The following GHR variants were observed in gnomAD, a reference collection of about 807,000 sequenced individuals.
GHR encodes the protein growth hormone receptor.
In GHR, 35 loss-of-function variants were observed where a neutral mutation model predicts 67.1. The observed-to-expected ratio is 0.52, with a 90% CI of 0.40 to 0.69. The LOEUF (loss-of-function observed/expected upper bound fraction) is 0.69. Ranked by LOEUF, GHR falls within the 30% of genes least tolerant of loss-of-function variation. GHR has a pLI of 0.00. For missense variants in GHR, 792 were observed against 764.6 expected (o/e 1.04, Z -0.42); for synonymous variants, 272 against 269.1 (o/e 1.01, Z -0.10).
chr5:42,670,380 T>C (rs1420380406), intron 3 of GHR, among the ~76,000 whole-genome samples: 1 of 152,084 alleles, frequency 6.6e-6, no homozygotes, highest in African/African-American at 2.4e-5. Context: ...TCAAAATAGA[T>C]TAAAGACTTA....
chr5:42,679,308 A>G (rs569605110), intron 3 of GHR, among the ~76,000 whole-genome samples: 1 of 151,122 alleles, frequency 6.6e-6, no homozygotes, highest in East Asian at 1.9e-4. Context: ...AAAAACTTTG[A>G]AAGCCACCAG....
chr5:42,575,695 G>C (rs1455227752), intron 2 of GHR, among the ~76,000 whole-genome samples: 2 of 151,612 alleles, frequency 1.3e-5, no homozygotes, highest in Non-Finnish European at 2.9e-5. Flanking sequence ...CACGGGTCCT[G>C]GGTGTGGGAG....
intron 1 of GHR, among the ~76,000 whole-genome samples, chr5:42,448,145 T>C (rs1340708123): frequency 1.3e-5 from 2 of 152,184 alleles, no homozygotes; most frequent in African/African-American, 4.8e-5. Context: ...GTATTTCTAC[T>C]TTTAGTTCTT....
intron 2 of GHR, among the ~76,000 whole-genome samples, chr5:42,608,251 C>A (rs1172956531): frequency 6.6e-6 from 1 of 152,154 alleles, no homozygotes; most frequent in Non-Finnish European, 1.5e-5. Context: ...TTGTTAACAT[C>A]TACACTAGAC....
At chr5:42,597,099 AG>A in intron 2 of GHR, among the ~76,000 whole-genome samples, 1 of 152,246 alleles carries the variant, frequency 6.6e-6, no homozygotes, top group South Asian at 2.1e-4. Flanking sequence ...GGTGGGTGGA[AG>A]GGGGGCTCTG....
chr5:42,483,988 T>C (rs1745770820), intron 1 of GHR, among the ~76,000 whole-genome samples: 1 of 152,012 alleles, frequency 6.6e-6, no homozygotes, highest in African/African-American at 2.4e-5. Context: ...GAGTACTAAG[T>C]AGGTACTGAA....
chr5:42,486,794 C>T (rs932238581), intron 1 of GHR, among the ~76,000 whole-genome samples: 2 of 147,398 alleles, frequency 1.4e-5, no homozygotes, highest in Admixed American at 6.9e-5. Context: ...TTGCAGTGAG[C>T]GGAGATCGCG....
At chr5:42,593,129 T>A (rs901749846) in intron 2 of GHR, among the ~76,000 whole-genome samples, 1 of 152,212 alleles carries the variant, frequency 6.6e-6, no homozygotes, top group African/African-American at 2.4e-5. Context: ...ATCGATTTTT[T>A]AAAAAACCTT....
chr5:42,506,730 C>A (rs1192082291), intron 1 of GHR, among the ~76,000 whole-genome samples: 2 of 152,080 alleles, frequency 1.3e-5, no homozygotes, highest in Non-Finnish European at 2.9e-5. Context: ...TCAAGCGTAT[C>A]CTTTTAGATA....
At chr5:42,684,836 T>C (rs1263802545) in intron 3 of GHR, among the ~76,000 whole-genome samples, 1 of 152,180 alleles carries the variant, frequency 6.6e-6, no homozygotes, top group African/African-American at 2.4e-5. Flanking sequence ...AAGACATATT[T>C]GCAACTCAGG....
rs1438751205 is a variant in GHR, at chr5:42,719,877, A to T, written c.*453A>T. On this transcript the variant is annotated 3_prime_UTR_variant, in exon 10 of 10. Transcript: ENST00000230882. ...AACTTTTTTATTTAAAAAACTAAAA[A>T]CTAGAGGTGAGAAATTTAAACTATA... 1 of 179,448 alleles carries T rather than the reference A, an allele frequency of 5.6e-6. No individual in the cohort carries two copies. The highest frequency in any genetic ancestry group is 1.5e-4 in the East Asian group (1 of 6,692). 11.1% of individuals were successfully genotyped at this position (179,448 alleles called of 1,614,324 possible).
chr5:42,479,691 C>A (rs1294571122), intron 1 of GHR, among the ~76,000 whole-genome samples: 1 of 152,176 alleles, frequency 6.6e-6, no homozygotes, highest in African/African-American at 2.4e-5. Context: ...TTATAGTATT[C>A]TCTGATGGTA....
At chr5:42,702,067 C>T (rs972115560) in intron 6 of GHR, among the ~76,000 whole-genome samples, 2 of 151,950 alleles carry the variant, frequency 1.3e-5, no homozygotes, top group African/African-American at 4.8e-5. Flanking sequence ...GTGTTGAGAA[C>T]ACTTAAAATC....
chr5:42,548,334 G>A (rs904614314), intron 1 of GHR: 2 of 985,228 alleles, frequency 2.0e-6, no homozygotes, highest in African/African-American at 1.7e-5. Flanking sequence ...CATGCCAAGT[G>A]GTAACCAAGA....
intron 3 of GHR, among the ~76,000 whole-genome samples, chr5:42,642,730 G>C (rs553627344): frequency 3.3e-5 from 5 of 152,116 alleles, no homozygotes; most frequent in African/African-American, 1.2e-4. Flanking sequence ...GGCTTAATAA[G>C]AGAAATGTAT....
chr5:42,586,775 G>T (rs142270692), intron 2 of GHR, among the ~76,000 whole-genome samples: 1 of 152,134 alleles, frequency 6.6e-6, no homozygotes, highest in South Asian at 2.1e-4. Flanking sequence ...TTGCCAGGCC[G>T]TGAATTACGT....
intron 2 of GHR, among the ~76,000 whole-genome samples, chr5:42,576,098 A>G (rs202029490): frequency 0.33 from 26,086 of 79,900 alleles, 3,283 homozygotes; most frequent in African/African-American, 0.35. Context: ...ATAAAATAAA[A>G]TAAATAAAAT....
intron 1 of GHR, among the ~76,000 whole-genome samples, chr5:42,501,978 G>A (rs1561079926): frequency 1.3e-5 from 2 of 152,118 alleles, no homozygotes; most frequent in Non-Finnish European, 1.5e-5. Context: ...CTAGAAGTGC[G>A]GGTCATCATC....
intron 3 of GHR, among the ~76,000 whole-genome samples, chr5:42,661,227 A>G (rs572873861): frequency 6.6e-6 from 1 of 152,224 alleles, no homozygotes; most frequent in Non-Finnish European, 1.5e-5. Flanking sequence ...AGGCAGGCCA[A>G]CATTCAGATT....
Sources: gnomAD v4.1 joint callset for allele counts (sites outside exome capture counted in the v4.1 genomes callset) on GRCh38, gnomAD v4.1.1 for gene constraint, MANE v1.5 for transcripts, NCBI Gene and HGNC (gene_info 2026-07-23, HGNC 2026-07-21) for gene names.